ROBO2: variants seen among roughly 807,000 people sequenced by gnomAD.
ROBO2 encodes the protein roundabout homolog 2.
In ROBO2, 53 loss-of-function variants were observed where a neutral mutation model predicts 160.8. The observed-to-expected ratio is 0.33, with a 90% CI of 0.26 to 0.41. The LOEUF is 0.41. ROBO2 is among the 10% of genes least tolerant of loss of function. The pLI, the probability that ROBO2 is intolerant of heterozygous loss-of-function variation, is 1.00. For synonymous variants in ROBO2, 664 were observed against 611.7 expected (o/e 1.09, Z -1.26); for missense variants, 1,577 against 1,722.4 (o/e 0.92, Z 1.49).
At chr3:76,955,813 A>G (rs1405480371) in intron 2 of ROBO2, among the ~76,000 whole-genome samples, 2 of 151,734 alleles carry the variant, frequency 1.3e-5, no homozygotes, top group Non-Finnish European at 2.9e-5. Flanking sequence ...CTGTAATCCC[A>G]GCTATTCAGG....
intron 23 of ROBO2, chr3:77,629,413 TAGAC>T (rs754277554): frequency 3.3e-5 from 5 of 151,936 alleles, no homozygotes; most frequent in Admixed American, 6.6e-5. Context: ...CAAGCAGACA[TAGAC>T]AGGAAACGAA....
chr3:76,945,039 C>T (rs1210140687), intron 2 of ROBO2, among the ~76,000 whole-genome samples: 1 of 151,796 alleles, frequency 6.6e-6, no homozygotes, highest in Admixed American at 6.6e-5. Context: ...CAGGCGCCCG[C>T]CACCACGCCC....
chr3:76,212,993 T>C (rs143639502), intron 2 of ROBO2, among the ~76,000 whole-genome samples: 84 of 152,144 alleles, frequency 5.5e-4, no homozygotes, highest in Non-Finnish European at 5.3e-4. Context: ...AGGCCTATTT[T>C]GTAAGTTAAA....
intron 5 of ROBO2, among the ~76,000 whole-genome samples, chr3:77,498,652 T>G (rs1005000961): frequency 6.6e-6 from 1 of 152,130 alleles, no homozygotes; most frequent in African/African-American, 2.4e-5. Flanking sequence ...AAGTGGCTCT[T>G]TCTTCTTAGC....
At chr3:75,918,469 T>C (rs1425766526) in intron 1 of ROBO2, among the ~76,000 whole-genome samples, 2 of 152,248 alleles carry the variant, frequency 1.3e-5, no homozygotes, top group Non-Finnish European at 2.9e-5. Context: ...GGCAGCGTCA[T>C]GCCTCCAGCT....
chr3:75,982,271 T>C (rs1032565403), intron 2 of ROBO2, among the ~76,000 whole-genome samples: 70 of 151,480 alleles, frequency 4.6e-4, no homozygotes, highest in African/African-American at 1.6e-3. Context: ...ATTTTTTTTT[T>C]CTCTTTGGTA....
chr3:76,852,968 A>G (rs2069572908), intron 2 of ROBO2, among the ~76,000 whole-genome samples: 1 of 152,138 alleles, frequency 6.6e-6, no homozygotes, highest in South Asian at 2.1e-4. Flanking sequence ...GGGATTGTGT[A>G]CATTCAAAAA....
At chr3:77,619,062 T>C (rs2153703938) in intron 22 of ROBO2, among the ~76,000 whole-genome samples, 1 of 152,226 alleles carries the variant, frequency 6.6e-6, no homozygotes, top group African/African-American at 2.4e-5. Flanking sequence ...TGGGCTCCAC[T>C]CCCAGAGAAA....
At chr3:77,417,414 A>G (rs963802919) in intron 2 of ROBO2, among the ~76,000 whole-genome samples, 3 of 152,120 alleles carry the variant, frequency 2.0e-5, no homozygotes, top group Non-Finnish European at 4.4e-5. Context: ...AAAAGGATTA[A>G]TTTACTTGAA....
chr3:77,262,949 T>C (rs1421388421), intron 2 of ROBO2, among the ~76,000 whole-genome samples: 1 of 152,166 alleles, frequency 6.6e-6, no homozygotes, highest in Non-Finnish European at 1.5e-5. Flanking sequence ...CTCTAAATAC[T>C]TTAATTCATA....
At chr3:75,946,830 TG>T (rs1310005384) in intron 2 of ROBO2, among the ~76,000 whole-genome samples, 1 of 152,058 alleles carries the variant, frequency 6.6e-6, no homozygotes, top group Admixed American at 6.6e-5. Flanking sequence ...TATCAAAGTG[TG>T]AATATAAATT....
chr3:77,377,944 A>G (rs551256591), intron 2 of ROBO2, among the ~76,000 whole-genome samples: 9 of 152,260 alleles, frequency 5.9e-5, no homozygotes, highest in African/African-American at 1.4e-4. Context: ...GAGGTGAGGG[A>G]TAATTTTTAT....
chr3:76,489,093 A>C (rs1217226880), intron 2 of ROBO2, among the ~76,000 whole-genome samples: 1 of 76,674 alleles, frequency 1.3e-5, no homozygotes, highest in African/African-American at 8.6e-5. Context: ...TCAAAAAAAA[A>C]AAAAAAAAAA....
intron 2 of ROBO2, among the ~76,000 whole-genome samples, chr3:76,834,533 T>C (rs925336183): frequency 1.6e-4 from 24 of 151,868 alleles, no homozygotes; most frequent in Non-Finnish European, 3.1e-4. Context: ...CCACCGTGCC[T>C]GGCTAATTTT....
chr3:76,122,592 C>T (rs2070795695), intron 2 of ROBO2, among the ~76,000 whole-genome samples: 1 of 152,010 alleles, frequency 6.6e-6, no homozygotes, highest in Non-Finnish European at 1.5e-5. Context: ...CTTAAAAGCA[C>T]ATTGTGTTCT....
intron 5 of ROBO2, among the ~76,000 whole-genome samples, chr3:77,518,831 C>T (rs2090299168): frequency 4.0e-5 from 6 of 151,468 alleles, no homozygotes; most frequent in Admixed American, 3.3e-4. Flanking sequence ...CTGTTATAGG[C>T]TAGACCGTTA....
intron 1 of ROBO2, among the ~76,000 whole-genome samples, chr3:75,918,431 C>T (rs1166700487): frequency 6.6e-6 from 1 of 152,106 alleles, no homozygotes; most frequent in Non-Finnish European, 1.5e-5. Flanking sequence ...GTTTTGGTTA[C>T]TGTAGTTTGT....
chr3:76,968,424 C>A (rs1318747632), intron 2 of ROBO2, among the ~76,000 whole-genome samples: 3 of 152,026 alleles, frequency 2.0e-5, no homozygotes, highest in Non-Finnish European at 4.4e-5. Flanking sequence ...TCTAATCAAT[C>A]TAATCAAATA....
chr3:76,323,175 A>ACACACACCCC (rs752990413), intron 2 of ROBO2, among the ~76,000 whole-genome samples: 2 of 145,604 alleles, frequency 1.4e-5, no homozygotes, highest in South Asian at 4.5e-4. Context: ...ACACACACAC[A>ACACACACCCC]CCCCTAAAGG....
Sources: gnomAD v4.1 joint callset for allele counts (sites outside exome capture counted in the v4.1 genomes callset) on GRCh38, gnomAD v4.1.1 for gene constraint, MANE v1.5 for transcripts, NCBI Gene and HGNC (gene_info 2026-07-23, HGNC 2026-07-21) for gene names.